Variants in TRPM1 observed in about 807,000 individuals in gnomAD.
The protein encoded by TRPM1 is transient receptor potential cation channel subfamily M member 1, also known as TRPM1-203 APA Isoform, Intron 10.
A neutral mutation model predicts 149.4 loss-of-function variants in TRPM1; 113 were observed. That is an observed-to-expected ratio of 0.76 (90% confidence interval 0.65 to 0.88). The LOEUF (loss-of-function observed/expected upper bound fraction) is 0.88, where lower values mean the gene tolerates loss of function less well. Among genes scored for constraint, TRPM1 ranks in the 40% least tolerant of loss-of-function variants. The pLI is 0.00. For synonymous variants in TRPM1, 741 were observed against 759.5 expected (o/e 0.98, Z 0.40); for missense variants, 1,976 against 2,038.7 (o/e 0.97, Z 0.59).
chr15:31,066,952 G>A, intron 6 of TRPM1, 111 bp downstream of exon 6: 1 of 1,410,998 alleles, frequency 7.1e-7, no homozygotes, highest in Non-Finnish European at 9.9e-7. Context: ...AATGGGAAAG[G>A]CTGCAAGGGA....
chr15:31,124,089 G>C (rs2035913561), intron 1 of TRPM1, among the ~76,000 whole-genome samples: 1 of 152,182 alleles, frequency 6.6e-6, no homozygotes. Context: ...TTTGAGACTA[G>C]CCTGGCCCAC....
chr15:31,089,679 TGAG>T (rs1567047568), intron 1 of TRPM1, among the ~76,000 whole-genome samples: 1 of 152,180 alleles, frequency 6.6e-6, no homozygotes, highest in African/African-American at 2.4e-5. Context: ...ACCCTATGAT[TGAG>T]GAAGCGTCAG....
chr15:31,136,095 T>A (rs905875715), intron 1 of TRPM1, among the ~76,000 whole-genome samples: 2 of 151,998 alleles, frequency 1.3e-5, no homozygotes, highest in African/African-American at 4.8e-5. Flanking sequence ...TGTGTAGAAC[T>A]CCGAGGAAGG....
At chr15:31,006,815 G>A (rs576067795) in intron 27 of TRPM1, among the ~76,000 whole-genome samples, 1 of 152,058 alleles carries the variant, frequency 6.6e-6, no homozygotes, top group South Asian at 2.1e-4. Context: ...TTTAGCTCTT[G>A]TATTCGGTGT....
At chr15:31,129,521 T>G (rs783027) in intron 1 of TRPM1, among the ~76,000 whole-genome samples, 1 of 152,160 alleles carries the variant, frequency 6.6e-6, no homozygotes, top group African/African-American at 2.4e-5. Flanking sequence ...TTGTCAACTT[T>G]CTGAAAAATA....
At chr15:31,034,235 TG>T (rs2033236857) in intron 21 of TRPM1, among the ~76,000 whole-genome samples, 1 of 152,242 alleles carries the variant, frequency 6.6e-6, no homozygotes, top group Non-Finnish European at 1.5e-5. Flanking sequence ...GATTGCTTAC[TG>T]GGAGTTACAT....
At chr15:31,160,984 C>T in exon 1 of TRPM1, 1 of 1,535,358 alleles carries the variant, frequency 6.5e-7, no homozygotes, top group Non-Finnish European at 8.7e-7. Flanking sequence ...CTGTGAGCCA[C>T]CCTGCTGACT....
At chr15:31,142,970 C>A (rs1179020183) in intron 1 of TRPM1, among the ~76,000 whole-genome samples, 2 of 152,122 alleles carry the variant, frequency 1.3e-5, no homozygotes, top group Non-Finnish European at 2.9e-5. Flanking sequence ...TTGTACTTTG[C>A]AGAAATAACC....
At chr15:31,016,989 A>AC (rs71106666) in intron 27 of TRPM1, among the ~76,000 whole-genome samples, 9,519 of 72,310 alleles carry the variant, frequency 0.13, 330 homozygotes, top group Non-Finnish European at 0.19. Flanking sequence ...ACACACACAC[A>AC]AAAAAAAAAC....
At chr15:31,097,558 C>G (rs534793978) in intron 1 of TRPM1, among the ~76,000 whole-genome samples, 1 of 152,220 alleles carries the variant, frequency 6.6e-6, no homozygotes, top group East Asian at 1.9e-4. Flanking sequence ...AAATTGGAAA[C>G]CTCCACTTTT....
chr15:31,002,169 C>A lies in TRPM1; in HGVS notation c.4531G>T (p.Val1511Leu), dbSNP rs2031794781. 6.2e-7 allele frequency: 1 copy of A among 1,614,106 alleles called. No individual in the cohort carries two copies. The highest frequency in any genetic ancestry group is 1.3e-5 in the African/African-American group (1 of 74,930). Residue 1511 changes from valine (V) to leucine (L), a missense_variant, in exon 28 of 28, where the codon GTG (valine) becomes TTG (leucine). Transcript: ENST00000256552. ...TCAGCTTGCACTGCAGCTTCCGACACAATGTAAGGAATATCTGTGCTATGA... is the reference window on the plus strand; with the variant it reads ...TCAGCTTGCACTGCAGCTTCCGACAAAATGTAAGGAATATCTGTGCTATGA... ...RSHSTDIPYI[V>L]SEAAVQAEHK... is the part of the protein sequence containing the mutation.
chr15:31,155,586 A>G (rs949951214), intron 1 of TRPM1, among the ~76,000 whole-genome samples: 1 of 152,236 alleles, frequency 6.6e-6, no homozygotes, highest in African/African-American at 2.4e-5. Context: ...ATCATAGACA[A>G]GACTGATATA....
intron 1 of TRPM1, among the ~76,000 whole-genome samples, chr15:31,092,661 A>T (rs2035271852): frequency 6.6e-6 from 1 of 152,224 alleles, no homozygotes; most frequent in African/African-American, 2.4e-5. Flanking sequence ...GTTTACTGGA[A>T]ATATACTTGT....
At chr15:31,064,318 G>A (rs2034312356) in intron 7 of TRPM1, among the ~76,000 whole-genome samples, 1 of 152,194 alleles carries the variant, frequency 6.6e-6, no homozygotes, top group African/African-American at 2.4e-5. Context: ...ATCAGTTAAT[G>A]ACCTGTTCCC....
chr15:31,147,278 C>T (rs181184530), intron 1 of TRPM1, among the ~76,000 whole-genome samples: 1 of 152,198 alleles, frequency 6.6e-6, no homozygotes, highest in Non-Finnish European at 1.5e-5. Flanking sequence ...TATTAAAGCA[C>T]CTCAGTGGGC....
chr15:31,003,059 A>ATAT lies in TRPM1; in HGVS notation c.3638_3640dup (p.Asn1213dup), dbSNP rs1566982778. The ATAT allele has an allele frequency of 6.2e-7, 1 of 1,604,036 alleles. No homozygotes were observed. On this transcript the variant is annotated inframe_insertion, in exon 28 of 28. Coordinates refer to ENST00000256552, the MANE Select transcript of TRPM1 (RefSeq NM_001252024.2). Reference sequence around the variant, plus strand: ...ATTGATTTCTTCCAACCTCATTGACATATTTTCAACTCTGGTGAATATAAA... The same window carrying ATAT: ...ATTGATTTCTTCCAACCTCATTGACATATTATTTTCAACTCTGGTGAATATAAA...
chr15:31,148,105 T>C (rs1375035990), intron 1 of TRPM1, among the ~76,000 whole-genome samples: 1 of 152,236 alleles, frequency 6.6e-6, no homozygotes, highest in East Asian at 1.9e-4. Context: ...GTCTACTGTG[T>C]TCTCAGCCTT....
chr15:31,066,189 T>C lies in TRPM1; in HGVS notation c.677A>G (p.Asn226Ser). 6.2e-7 allele frequency: 1 copy of C among 1,613,904 alleles called. No homozygotes were observed. Among genetic ancestry groups the C allele is most frequent in the Non-Finnish European group, 8.5e-7 (1 of 1,179,976 alleles). ...AGCCAGGATGAAGTGGGTGTGGGAG[T>C]TGTTGAGCACAGAGAGCTTACTTAG... ...NPLSKLSVLN[N>S]SHTHFILADN... is the part of the protein sequence containing the mutation. The change falls in exon 7 of 28, where the codon AAC (asparagine) becomes AGC (serine). Residue 226 changes from asparagine (N) to serine (S), a missense_variant. Physicochemically the swap from Asn to Ser is conservative, Grantham distance 46. Transcript: ENST00000256552.
chr15:31,047,240 C>A lies in TRPM1; in HGVS notation c.1635G>T (p.Pro545=), dbSNP rs201426913. Residue 545 remains proline, a synonymous_variant, in exon 15 of 28, where the codon CCG becomes CCT. Coordinates refer to ENST00000256552, the MANE Select transcript of TRPM1 (RefSeq NM_001252024.2). ...CTATGAGGCTGATGTGGTAATCAGG[C>A]GGAAGGTTGCTCTGTAAAAGAAGTC... ...LVRDVKKSNL[P]PDYHISLIDI... The A allele has an allele frequency of 1.2e-5, 19 of 1,614,170 alleles. No individual in the cohort carries two copies. The highest frequency in any genetic ancestry group is 1.6e-5 in the Non-Finnish European group (19 of 1,180,038).
Sources: gnomAD v4.1 joint callset for allele counts (sites outside exome capture counted in the v4.1 genomes callset) on GRCh38, gnomAD v4.1.1 for gene constraint, MANE v1.5 for transcripts, NCBI Gene and HGNC (gene_info 2026-07-23, HGNC 2026-07-21) for gene names.